Variants in FBXO10 observed in about 807,000 individuals in gnomAD.
The protein encoded by FBXO10 is F-box only protein 10.
FBXO10 carries 39 observed loss-of-function variants against 80.7 expected under a neutral mutation model. That is an observed-to-expected ratio of 0.48 (90% CI 0.37 to 0.63). FBXO10 has a LOEUF of 0.63. Ranked by LOEUF, FBXO10 falls within the 30% of genes least tolerant of loss-of-function variation. FBXO10 has a pLI of 0.00. For missense variants in FBXO10, 1,025 were observed against 1,269.0 expected (o/e 0.81, Z 2.92); for synonymous variants, 449 against 489.6 (o/e 0.92, Z 1.09).
rs1402144836 is a variant in FBXO10 at position 37,513,444 on chromosome 9, TCAGCAATTGAAAGGAATGAACG to T, written c.2697-745_2697-724del. ...GTACACCCATACAGGGGAAGACTAC[TCAGCAATTGAAAGGAATGAACG>T]CCTTACATGCAACACCATGAATGAA... On this transcript the variant is annotated intron_variant, in intron 10 of 10. Coordinates refer to ENST00000432825, the MANE Select transcript of FBXO10 (RefSeq NM_012166.3). 3.3e-5 allele frequency among the ~76,000 whole-genome samples: 5 copies of T among 152,306 alleles called. No homozygotes were observed. In the East Asian group the frequency reaches 9.6e-4, roughly 29 times the overall value.
chr9:37,537,504 C>A lies in FBXO10; in HGVS notation c.1025G>T (p.Ser342Ile). The A allele has an allele frequency of 6.2e-7, 1 of 1,611,668 alleles. No homozygotes were observed. The highest frequency in any genetic ancestry group is 2.2e-5 in the East Asian group (1 of 44,852). The change falls in exon 3 of 11, where the codon AGT becomes ATT. Residue 342 changes from serine (S) to isoleucine (I), a missense_variant. By Grantham distance (142) the Ser-to-Ile change is moderately radical. This residue lies in a region of FBXO10 where 450 missense variants were observed against 499.4 expected (regional missense o/e 0.90). Coordinates refer to ENST00000432825, the MANE Select transcript of FBXO10 (RefSeq NM_012166.3). ...KAGSQEAEVG[S>I]DGERVAQTPD... ...GGTCTGGGCCACCCTTTCACCATCACTACCCACCTCTGCCTCCTGTGAGCC... is the reference window on the plus strand; with the variant it reads ...GGTCTGGGCCACCCTTTCACCATCAATACCCACCTCTGCCTCCTGTGAGCC...
chr9:37,529,421 C>T (rs910273595), intron 4 of FBXO10, among the ~76,000 whole-genome samples, 161 bp from the exon 5 acceptor site: 53 of 152,174 alleles, frequency 3.5e-4, no homozygotes, highest in Admixed American at 3.3e-4. Context: ...GTCACACTGC[C>T]GCCCTGCCCT....
intron 7 of FBXO10, 66 bp from the exon 8 acceptor site, chr9:37,521,904 G>C: frequency 6.8e-7 from 1 of 1,476,296 alleles, no homozygotes; most frequent in Non-Finnish European, 8.9e-7. Flanking sequence ...GAGTCTCCCT[G>C]AGAGGGGAAA....
intron 10 of FBXO10, 112 bp from the exon 11 acceptor site, chr9:37,512,833 CTG>C: frequency 8.9e-7 from 1 of 1,125,152 alleles, no homozygotes; most frequent in South Asian, 1.6e-5. Context: ...GTGTTTAAAT[CTG>C]GGTGTAGGTT....
chr9:37,571,714 C>CATATATATATATATATATAT lies in FBXO10; in HGVS notation c.-7+4477_-7+4496dup, dbSNP rs71494672. ...CCATTTAAGAGGGTGAAAAGAGAGC[C>CATATATATATATATATATAT]ATATATATATATATATATATATATA... On this transcript the variant is annotated intron_variant, in intron 1 of 10. Transcript: ENST00000432825. 1.9e-3 allele frequency among the ~76,000 whole-genome samples: 179 copies of CATATATATATATATATATAT among 93,112 alleles called. 5 individuals carry two copies. Among genetic ancestry groups the CATATATATATATATATATAT allele is most frequent in the African/African-American group, 2.2e-3 (41 of 18,546 alleles). 61.1% of individuals were successfully genotyped at this position (93,112 alleles called of 152,430 possible). A position where few individuals can be genotyped will look rare whatever the true frequency, so the allele number is the denominator to read the frequency against.
At position 37,572,260 on chromosome 9, in the gene FBXO10, T is replaced by C. The variant is rs187338017; in HGVS notation, c.-7+3951A>G. Among the ~76,000 whole-genome samples the C allele has an allele frequency of 9.2e-5, 14 of 152,182 alleles. No individual in the cohort carries two copies. In the East Asian group the frequency reaches 2.7e-3, roughly 29 times the overall value. ...ATAAAAGCAACTATTTGCCAGGATATGAAGCAACTGGAACTCTCATATACT... is the reference window on the plus strand; with the variant it reads ...ATAAAAGCAACTATTTGCCAGGATACGAAGCAACTGGAACTCTCATATACT... On this transcript the variant is annotated intron_variant, in intron 1 of 10. Transcript: ENST00000432825.
At chr9:37,529,971 G>A (rs1272086409) in intron 4 of FBXO10, among the ~76,000 whole-genome samples, 1 of 151,906 alleles carries the variant, frequency 6.6e-6, no homozygotes, top group Non-Finnish European at 1.5e-5. Flanking sequence ...ACCACACCCG[G>A]CAAGATATTC....
chr9:37,570,252 T>C (rs1822715094), intron 1 of FBXO10, among the ~76,000 whole-genome samples: 1 of 151,788 alleles, frequency 6.6e-6, no homozygotes, highest in Non-Finnish European at 1.5e-5. Flanking sequence ...AGGTGGAGGT[T>C]GCAGTGAGCC....
chr9:37,551,573 G>A (rs1822199714), intron 1 of FBXO10, among the ~76,000 whole-genome samples: 1 of 152,232 alleles, frequency 6.6e-6, no homozygotes. Context: ...CACAGGTGGG[G>A]TGACCAGGGA....
chr9:37,519,245 G>C (rs1821266913), intron 8 of FBXO10, among the ~76,000 whole-genome samples: 1 of 152,178 alleles, frequency 6.6e-6, no homozygotes, highest in Admixed American at 6.5e-5. Flanking sequence ...TGTAATTTTG[G>C]AGTACAAAAA....
At chr9:37,519,695 C>A (rs188926309) in intron 8 of FBXO10, among the ~76,000 whole-genome samples, 1 of 152,298 alleles carries the variant, frequency 6.6e-6, no homozygotes, top group Admixed American at 6.5e-5. Flanking sequence ...CATGGAGGAA[C>A]CTCTGACCTG....
chr9:37,519,687 T>G (rs542982092), intron 8 of FBXO10, among the ~76,000 whole-genome samples: 1 of 152,204 alleles, frequency 6.6e-6, no homozygotes, highest in African/African-American at 2.4e-5. Context: ...CATGGCCACA[T>G]GGAGGAACCT....
rs1423741670 is a variant in FBXO10 at position 37,541,454 on chromosome 9, C to T, written c.315G>A (p.Arg105=). Residue 105 remains arginine (R), a synonymous_variant, in exon 2 of 11, where the codon AGG becomes AGA. Coordinates refer to ENST00000432825, the MANE Select transcript of FBXO10 (RefSeq NM_012166.3). ...SICFSLFRRR[R]ERRTLSVGPG... ...GCCCAACACTCAGGGTACGTCGTTC[C>T]CTCCTCCGGCGGAATAGAGAAAAGC... 3 of 1,614,026 alleles carry T rather than the reference C, an allele frequency of 1.9e-6. No homozygotes were observed. The highest frequency in any genetic ancestry group is 3.3e-5 in the Admixed American group (2 of 60,028).
chr9:37,530,544 CA>C (rs1191896129), intron 4 of FBXO10, among the ~76,000 whole-genome samples: 7 of 152,244 alleles, frequency 4.6e-5, no homozygotes, highest in Non-Finnish European at 8.8e-5. Context: ...AGCCATGCAT[CA>C]ACCACCAGCT....
At position 37,516,072 on chromosome 9, in the gene FBXO10, C is replaced by T. The variant is rs182563461; in HGVS notation, c.2528G>A (p.Arg843Gln). Residue 843 changes from arginine to glutamine, a missense_variant, in exon 10 of 11, where the codon CGG becomes CAG. Coordinates refer to ENST00000432825, the MANE Select transcript of FBXO10 (RefSeq NM_012166.3). Reference sequence around the variant, plus strand: ...GCCGTAGGCCCGGAACGAGTGGATCCGGTTCTTTATTACCTGGGAGAGGCA... The same window carrying T: ...GCCGTAGGCCCGGAACGAGTGGATCTGGTTCTTTATTACCTGGGAGAGGCA... ...PRSDTKVIKN[R>Q]IHSFRAYGIA... 100 of 1,611,720 alleles carry T rather than the reference C, an allele frequency of 6.2e-5. No individual in the cohort carries two copies. Among genetic ancestry groups the T allele is most frequent in the Non-Finnish European group, 7.7e-5 (91 of 1,179,242 alleles).
At chr9:37,520,522 C>CTTTTTTT (rs1191753429) in intron 8 of FBXO10, among the ~76,000 whole-genome samples, 34 of 83,402 alleles carry the variant, frequency 4.1e-4, no homozygotes, top group East Asian at 1.3e-3. Context: ...CCTTCTTCTT[C>CTTTTTTT]TTTTTTTTTT....
intron 1 of FBXO10, among the ~76,000 whole-genome samples, chr9:37,574,130 C>T (rs1438935783): frequency 1.3e-5 from 2 of 152,198 alleles, no homozygotes; most frequent in African/African-American, 4.8e-5. Context: ...TCCCTATCTA[C>T]ATCATCAGAG....
chr9:37,525,347 C>T (rs1021710598), intron 5 of FBXO10, among the ~76,000 whole-genome samples, 175 bp from the exon 6 acceptor site: 13 of 152,094 alleles, frequency 8.5e-5, no homozygotes, highest in Non-Finnish European at 1.3e-4. Flanking sequence ...GGTGGAGGAT[C>T]ACTTGAGCCT....
At chr9:37,544,508 C>T (rs1291027919) in intron 1 of FBXO10, among the ~76,000 whole-genome samples, 4 of 152,172 alleles carry the variant, frequency 2.6e-5, no homozygotes, top group Non-Finnish European at 5.9e-5. Context: ...TGGGTATCCT[C>T]TCAATTTTAT....
Sources: gnomAD v4.1 joint callset for allele counts (sites outside exome capture counted in the v4.1 genomes callset) on GRCh38, gnomAD v4.1.1 for gene constraint, gnomAD v4.1.1 regional missense constraint, MANE v1.5 for transcripts, NCBI Gene and HGNC (gene_info 2026-07-23, HGNC 2026-07-21) for gene names.